Variants in SLA observed in about 807,000 individuals in gnomAD.
The protein encoded by SLA is Src like adaptor, also known as src-like-adapter.
A neutral mutation model predicts 30.3 loss-of-function variants in SLA; 16 were observed. That is an observed-to-expected ratio of 0.53 (90% CI 0.36 to 0.80). The LOEUF is 0.80. Ranked by LOEUF, SLA falls within the 30% of genes least tolerant of loss-of-function variation. The pLI is 0.01. For synonymous variants in SLA, 143 were observed against 137.8 expected (o/e 1.04, Z -0.26); for missense variants, 310 against 345.2 (o/e 0.90, Z 0.81).
chr8:133,053,004 G>A (rs1041623155), intron 3 of SLA, among the ~76,000 whole-genome samples: 1 of 152,184 alleles, frequency 6.6e-6, no homozygotes, highest in Non-Finnish European at 1.5e-5. Flanking sequence ...TATTAACATG[G>A]CACTGTGCTG....
chr8:133,100,981 A>G (rs1252975952), intron 1 of SLA, among the ~76,000 whole-genome samples: 1 of 152,142 alleles, frequency 6.6e-6, no homozygotes, highest in Non-Finnish European at 1.5e-5. Flanking sequence ...TGGGAAAGAA[A>G]GGCTTAGTGA....
intron 1 of SLA, among the ~76,000 whole-genome samples, chr8:133,077,715 C>G (rs1588015310): frequency 6.7e-6 from 1 of 150,278 alleles, no homozygotes; most frequent in East Asian, 2.0e-4. Context: ...CATTTTGGAT[C>G]AGGGCATTCT....
At chr8:133,081,383 G>GCTAA (rs1408988972) in intron 1 of SLA, among the ~76,000 whole-genome samples, 1 of 152,230 alleles carries the variant, frequency 6.6e-6, no homozygotes, top group East Asian at 1.9e-4. Flanking sequence ...AAGACAATAA[G>GCTAA]CTAACTATGA....
At chr8:133,084,094 G>T (rs140093316) in intron 1 of SLA, among the ~76,000 whole-genome samples, 1 of 152,266 alleles carries the variant, frequency 6.6e-6, no homozygotes, top group African/African-American at 2.4e-5. Flanking sequence ...TCTAGGGCAG[G>T]CATGGTGAGT....
chr8:133,056,731 T>C (rs1841503206), intron 3 of SLA, among the ~76,000 whole-genome samples: 1 of 152,220 alleles, frequency 6.6e-6, no homozygotes, highest in Non-Finnish European at 1.5e-5. Context: ...GTCTGGAGGC[T>C]GTGAGCACCA....
chr8:133,047,754 C>G (rs1036873339), intron 6 of SLA, 76 bp downstream of exon 6: 1 of 837,154 alleles, frequency 1.2e-6, no homozygotes, highest in African/African-American at 1.7e-5. Flanking sequence ...GAAAATGAAG[C>G]CGTGTAATGA....
At chr8:133,075,336 C>G (rs532944858) in intron 1 of SLA, among the ~76,000 whole-genome samples, 12 of 152,112 alleles carry the variant, frequency 7.9e-5, no homozygotes. Context: ...TCTCTGATTT[C>G]GGTTTCCCAA....
chr8:133,072,709 G>A (rs1339662066), intron 2 of SLA, among the ~76,000 whole-genome samples: 1 of 152,200 alleles, frequency 6.6e-6, no homozygotes, highest in African/African-American at 2.4e-5. Flanking sequence ...CTTTAAAAAG[G>A]CTCATTTCCC....
chr8:133,072,448 G>GGATA (rs1204912887), intron 2 of SLA, among the ~76,000 whole-genome samples: 2 of 151,974 alleles, frequency 1.3e-5, no homozygotes, highest in African/African-American at 4.8e-5. Context: ...ATGGATAGAT[G>GGATA]GATAGATAGA....
chr8:133,088,256 GCTC>G (rs5895174), intron 1 of SLA, among the ~76,000 whole-genome samples: 26,061 of 151,356 alleles, frequency 0.17, 2,444 homozygotes, highest in East Asian at 0.21. Context: ...CTCCCCTCCT[GCTC>G]CTCCTCCTCC....
chr8:133,048,947 G>T (rs985425178), intron 5 of SLA: 9 of 317,508 alleles, frequency 2.8e-5, no homozygotes, highest in Non-Finnish European at 5.1e-5. Flanking sequence ...TGGACATGAA[G>T]AAGTAACTTA....
chr8:133,075,348 T>G (rs1427702034), intron 1 of SLA, among the ~76,000 whole-genome samples: 3 of 152,254 alleles, frequency 2.0e-5, no homozygotes, highest in East Asian at 3.9e-4. Context: ...GTTTCCCAAT[T>G]TTTGCAGCTT....
chr8:133,051,513 T>C (rs549877822), intron 3 of SLA, among the ~76,000 whole-genome samples: 17 of 152,226 alleles, frequency 1.1e-4, no homozygotes, highest in African/African-American at 3.6e-4. Context: ...TCTTGCAGAA[T>C]ATAAGGCCCC....
intron 2 of SLA, among the ~76,000 whole-genome samples, chr8:133,071,374 C>A (rs949892679): frequency 6.6e-6 from 1 of 152,208 alleles, no homozygotes; most frequent in Non-Finnish European, 1.5e-5. Context: ...TAGAGCCTGG[C>A]TCCCAGCTAC....
At chr8:133,085,086 A>G (rs1193624581) in intron 1 of SLA, among the ~76,000 whole-genome samples, 1 of 152,238 alleles carries the variant, frequency 6.6e-6, no homozygotes, top group Non-Finnish European at 1.5e-5. Flanking sequence ...CCAGCTCCGC[A>G]TTACTTTTTG....
At chr8:133,049,019 G>T in intron 5 of SLA, 1 of 362,336 alleles carries the variant, frequency 2.8e-6, no homozygotes, top group Non-Finnish European at 5.6e-6. Context: ...GCATTTCTTT[G>T]CCAACTTCCA....
At chr8:133,096,519 G>A in intron 1 of SLA, 1 of 988,502 alleles carries the variant, frequency 1.0e-6, no homozygotes, top group African/African-American at 1.6e-5. Flanking sequence ...AGGTGGTAAT[G>A]GGGGGATTTA....
chr8:133,039,905 T>C (rs1035042674), intron 8 of SLA, 93 bp downstream of exon 8: 2 of 1,492,228 alleles, frequency 1.3e-6, no homozygotes, highest in African/African-American at 2.8e-5. Context: ...TTTCATGTGC[T>C]CGGCACACAC....
rs138496624 is a variant in SLA, at chr8:133,087,803, G to A, written c.-318-12673C>T. 4 of 152,230 alleles carry A rather than the reference G, an allele frequency of 2.6e-5. No homozygotes were observed. The South Asian group carries it at 6.2e-4, about 24-fold the overall frequency. The allele number at this position is 152,230 out of a possible 1,614,324, so 9.4% of individuals were successfully genotyped here. ...GGGCCAGGCAGCAGGAGGTACCCTG[G>A]GACTGGATGCCTGTGAATGTCACGT... On this transcript the variant is annotated intron_variant, in intron 1 of 8. Coordinates refer to ENST00000338087, the MANE Select transcript of SLA (RefSeq NM_001045556.3).
Sources: allele counts gnomAD v4.1 joint callset (sites outside exome capture counted in the v4.1 genomes callset), GRCh38; gene constraint gnomAD v4.1.1; transcripts MANE v1.5; gene names NCBI Gene and HGNC (gene_info 2026-07-23, HGNC 2026-07-21).